The following PRDM2 variants were observed in gnomAD, a reference collection of about 807,000 sequenced individuals.
The protein encoded by PRDM2 is PR/SET domain 2.
In PRDM2, 30 loss-of-function variants were observed where a neutral mutation model predicts 130.0. That is an observed-to-expected ratio of 0.23 (90% CI 0.17 to 0.31). PRDM2 has a LOEUF of 0.31. Among genes scored for constraint, PRDM2 ranks in the 10% least tolerant of loss-of-function variants. The pLI is 1.00. For synonymous variants in PRDM2, 871 were observed against 782.4 expected, an observed-to-expected ratio of 1.11 and a Z score of -1.89; for missense variants, 2,011 against 2,108.4, an observed-to-expected ratio of 0.95 and a Z score of 0.90.
At chr1:13,746,462 T>C (rs558130493) in intron 5 of PRDM2, among the ~76,000 whole-genome samples, 7 of 151,964 alleles carry the variant, frequency 4.6e-5, no homozygotes, top group Admixed American at 4.6e-4. Context: ...TTGCGAAGCA[T>C]ATATCGCTCC....
In PRDM2 at chr1:13,779,886, C is replaced by A. The variant is rs1557648629; in HGVS notation, c.2091C>A (p.Thr697=). ...CAAAGCTCAAACAACTTCTTCAAAC[C>A]CAAGATAAACTAACTCCTGCAGGGA... ...LSSKLKQLLQ[T]QDKLTPAGIS... Residue 697 remains threonine, a synonymous_variant, in exon 8 of 10, where the codon ACC becomes ACA. Transcript: ENST00000311066. This position sits in a 1 kb window ranked among gnomAD's most constrained non-coding sequence, Gnocchi z 4.9. 3 of 1,588,286 alleles carry A rather than the reference C, an allele frequency of 1.9e-6. No homozygotes were observed. The South Asian group carries it at 3.3e-5, about 18-fold the overall frequency.
intron 4 of PRDM2, among the ~76,000 whole-genome samples, chr1:13,737,306 T>C (rs747310957): frequency 2.6e-5 from 4 of 152,252 alleles, no homozygotes; most frequent in Non-Finnish European, 5.9e-5. Flanking sequence ...ATGCAAATTA[T>C]ATGAAATTCG....
intron 1 of PRDM2, 71 bp from the exon 2 acceptor site, chr1:13,715,470 C>G (rs903005136): frequency 1.6e-6 from 1 of 643,818 alleles, no homozygotes; most frequent in African/African-American, 1.9e-5. Flanking sequence ...CTCTACAGTT[C>G]TGTATGTGGT....
At chr1:13,805,947 C>G (rs952814564) in intron 8 of PRDM2, among the ~76,000 whole-genome samples, 1 of 152,026 alleles carries the variant, frequency 6.6e-6, no homozygotes, top group Non-Finnish European at 1.5e-5. Flanking sequence ...CTCCCAAACT[C>G]CTTTCCCTCC....
Position 13,781,427 on chromosome 1 carries a change from G to T in PRDM2, c.3632G>T (p.Arg1211Leu). The T allele has an allele frequency of 6.2e-7, 1 of 1,614,000 alleles. No homozygotes were observed. Among genetic ancestry groups the T allele is most frequent in the Non-Finnish European group, 8.5e-7 (1 of 1,180,020 alleles). ...TTGTGCAATTTGCAGCAGCACCAGC[G>T]AGATCTCCACCCAGATAAGGTGTGC... is the stretch of plus-strand genomic sequence containing the variant. ...AFLCNLQQHQ[R>L]DLHPDKVCTH... The change falls in exon 8 of 10, where the codon CGA (arginine) becomes CTA (leucine). Residue 1211 changes from arginine to leucine, a missense_variant. Physicochemically the swap from Arg to Leu is moderately radical, Grantham distance 102. Transcript: ENST00000311066. The surrounding 1 kb of genome is among the most constrained non-coding windows in gnomAD (Gnocchi z 6.1).
In PRDM2 at chr1:13,704,235, G is replaced by A. The variant is rs192829664; in HGVS notation, c.-66+3935G>A. Among the ~76,000 whole-genome samples the A allele has an allele frequency of 7.9e-5, 12 of 152,276 alleles. No individual in the cohort carries two copies. In the East Asian group the frequency reaches 2.1e-3, roughly 27 times the overall value. On this transcript the variant is annotated intron_variant, in intron 1 of 9. Transcript: ENST00000311066. ...TTTCACTGGAATGAATGCATGTGTC[G>A]TTTAAATATTCTTTCTTAAAGAGAA... is the stretch of plus-strand genomic sequence containing the variant.
intron 2 of PRDM2, among the ~76,000 whole-genome samples, chr1:13,725,830 C>T (rs1016882122): frequency 2.6e-5 from 4 of 152,164 alleles, no homozygotes; most frequent in Non-Finnish European, 5.9e-5. Context: ...CAGGTGTCCA[C>T]GGACTGTGAG....
chr1:13,749,518 C>G (rs1643740248), intron 6 of PRDM2, 31 bp downstream of exon 6: 1 of 1,286,122 alleles, frequency 7.8e-7, no homozygotes, highest in Non-Finnish European at 1.0e-6. Flanking sequence ...CCGCCCGGCC[C>G]CGGCGCCACG....
intron 9 of PRDM2, among the ~76,000 whole-genome samples, chr1:13,818,682 G>A (rs57378980): frequency 0.032 from 4,926 of 152,156 alleles, 264 homozygotes; most frequent in African/African-American, 0.11. Flanking sequence ...ACCGCTCCCG[G>A]CTGTTTACTT....
At chr1:13,718,517 G>C (rs1044988395) in intron 2 of PRDM2, among the ~76,000 whole-genome samples, 1 of 152,084 alleles carries the variant, frequency 6.6e-6, no homozygotes, top group Admixed American at 6.5e-5. Context: ...GTTCCAAGTC[G>C]GTCCTAGTGT....
At chr1:13,770,691 A>C (rs953653979) in intron 6 of PRDM2, among the ~76,000 whole-genome samples, 2 of 152,206 alleles carry the variant, frequency 1.3e-5, no homozygotes, top group Non-Finnish European at 2.9e-5. Flanking sequence ...AGTAAGTACT[A>C]AGTAAATGAT....
At chr1:13,813,917 A>C (rs2100762202) in intron 8 of PRDM2, among the ~76,000 whole-genome samples, 1 of 152,260 alleles carries the variant, frequency 6.6e-6, no homozygotes. Context: ...TCGGGGTGTT[A>C]TTTTTGTGTG....
intron 6 of PRDM2, among the ~76,000 whole-genome samples, chr1:13,770,067 G>T (rs1472729888): frequency 6.6e-6 from 1 of 152,126 alleles, no homozygotes; most frequent in Non-Finnish European, 1.5e-5. Context: ...AGGCGCCTTG[G>T]TACCCTGTAG....
At chr1:13,814,289 T>C (rs567709301) in intron 8 of PRDM2, among the ~76,000 whole-genome samples, 32 of 152,270 alleles carry the variant, frequency 2.1e-4, no homozygotes, top group Non-Finnish European at 4.1e-4. Flanking sequence ...TCCTTAACTC[T>C]TGCACAGGCG....
intron 5 of PRDM2, among the ~76,000 whole-genome samples, chr1:13,746,338 A>G (rs1274848908): frequency 6.6e-6 from 1 of 151,780 alleles, no homozygotes. Flanking sequence ...TAACCAGTAC[A>G]GAAGAAAAAA....
At chr1:13,707,853 G>A (rs1642256074) in intron 1 of PRDM2, among the ~76,000 whole-genome samples, 1 of 150,530 alleles carries the variant, frequency 6.6e-6, no homozygotes, top group South Asian at 2.1e-4. Context: ...TTGGAGGGGA[G>A]GAATATCCTA....
At chr1:13,745,915 C>G (rs532954720) in intron 5 of PRDM2, among the ~76,000 whole-genome samples, 13 of 152,216 alleles carry the variant, frequency 8.5e-5, no homozygotes. Context: ...GTGCTGGGGA[C>G]TGGATCGTAG....
At chr1:13,817,673 C>G (rs1185079399) in intron 9 of PRDM2, among the ~76,000 whole-genome samples, 1 of 151,800 alleles carries the variant, frequency 6.6e-6, no homozygotes, top group Non-Finnish European at 1.5e-5. Flanking sequence ...ATTTACTGGA[C>G]TATAGTACGA....
At position 13,778,520 on chromosome 1, in the gene PRDM2, C is replaced by T. The variant is rs565636821; in HGVS notation, c.725C>T (p.Pro242Leu). The change falls in exon 8 of 10, where the codon CCT becomes CTT. Residue 242 changes from proline (P) to leucine (L), a missense_variant. Around this residue, in one of 5 missense-constraint regions of PRDM2, gnomAD observed 1,288 missense variants for 1,237.7 expected, o/e 1.04. Transcript: ENST00000311066. ...SQEVPPELAT[P>L]APAWEPQPEP... ...GAGGTGCCTCCAGAACTAGCAACCC[C>T]TGCCCCTGCCTGGGAGCCACAGCCA... The T allele has an allele frequency of 1.2e-6, 2 of 1,614,066 alleles. No homozygotes were observed. Among genetic ancestry groups the T allele is most frequent in the Non-Finnish European group, 1.7e-6 (2 of 1,180,050 alleles).
Sources: allele counts gnomAD v4.1 joint callset (sites outside exome capture counted in the v4.1 genomes callset), GRCh38; gene constraint gnomAD v4.1.1; regional missense constraint gnomAD v4.1.1; non-coding constraint Gnocchi (gnomAD v3.1); transcripts MANE v1.5; gene names NCBI Gene and HGNC (gene_info 2026-07-23, HGNC 2026-07-21).